LDLRAD4: variants seen among roughly 807,000 people sequenced by gnomAD.
LDLRAD4 encodes the protein low-density lipoprotein receptor class A domain-containing protein 4.
Under a neutral mutation model 17.0 loss-of-function variants are expected in LDLRAD4, and 5 were observed. The observed-to-expected ratio is 0.29, with a 90% CI of 0.15 to 0.62. The LOEUF (loss-of-function observed/expected upper bound fraction) is 0.62, where lower values mean the gene tolerates loss of function less well. Ranked by LOEUF, LDLRAD4 falls within the 20% of genes least tolerant of loss-of-function variation. LDLRAD4 has a pLI of 0.84. For synonymous variants in LDLRAD4, 168 were observed against 171.8 expected (o/e 0.98, Z 0.17); for missense variants, 340 against 424.7 (o/e 0.80, Z 1.75).
chr18:13,327,344 A>T (rs2081591605), intron 1 of LDLRAD4, among the ~76,000 whole-genome samples: 1 of 152,074 alleles, frequency 6.6e-6, no homozygotes, highest in Non-Finnish European at 1.5e-5. Context: ...CCCAAGGGAC[A>T]TGGGGCCTCG....
rs1252485840 is a variant in LDLRAD4, at chr18:13,440,497, T to C, written c.181+2113T>C. 1.3e-5 allele frequency among the ~76,000 whole-genome samples: 2 copies of C among 152,218 alleles called. No individual in the cohort carries two copies. The highest frequency in any genetic ancestry group is 2.9e-5 in the Non-Finnish European group (2 of 68,040). The stretch of plus-strand genomic sequence containing the variant: ...ACTGTTCAGATATGACTAGAACTTT[T>C]GTCTTTATAGCTAAAATGGGATATT... On this transcript the variant is annotated intron_variant, in intron 3 of 5. Transcript: ENST00000359446. The surrounding 1 kb of genome is among the most constrained non-coding windows in gnomAD (Gnocchi z 4.4).
chr18:13,602,301 G>A (rs1159729650), intron 3 of LDLRAD4, among the ~76,000 whole-genome samples: 3 of 151,948 alleles, frequency 2.0e-5, no homozygotes, highest in Admixed American at 6.6e-5. Flanking sequence ...ATGTACCCCC[G>A]AACCTGATAC....
chr18:13,549,204 G>A (rs2094405370), intron 3 of LDLRAD4, among the ~76,000 whole-genome samples: 1 of 152,202 alleles, frequency 6.6e-6, no homozygotes, highest in Non-Finnish European at 1.5e-5. Context: ...CACAGAGGGA[G>A]GCACCATGCC....
At chr18:13,527,689 A>C (rs2094055052) in intron 3 of LDLRAD4, among the ~76,000 whole-genome samples, 1 of 152,210 alleles carries the variant, frequency 6.6e-6, no homozygotes, top group Non-Finnish European at 1.5e-5. Flanking sequence ...TGGAGGGAGA[A>C]ACGAGGCAGA....
upstream of LDLRAD4, among the ~76,000 whole-genome samples, chr18:13,274,045 T>C (rs2044715408): frequency 6.6e-6 from 1 of 152,140 alleles, no homozygotes; most frequent in Non-Finnish European, 1.5e-5. Flanking sequence ...TGTGAGGAGC[T>C]CAGCCAGTGC....
intron 3 of LDLRAD4, among the ~76,000 whole-genome samples, chr18:13,603,905 G>C (rs2095193299): frequency 6.6e-6 from 1 of 152,244 alleles, no homozygotes; most frequent in African/African-American, 2.4e-5. Flanking sequence ...CATAGTAAGT[G>C]CTTAGCATTT....
intron 4 of LDLRAD4, among the ~76,000 whole-genome samples, chr18:13,634,143 C>T (rs942185945): frequency 5.3e-5 from 8 of 152,138 alleles, no homozygotes; most frequent in African/African-American, 7.2e-5. Flanking sequence ...CCTGTAAGAC[C>T]GGGAACAAGA....
intron 1 of LDLRAD4, among the ~76,000 whole-genome samples, chr18:13,378,717 C>T (rs560567212): frequency 3.1e-4 from 47 of 152,224 alleles, no homozygotes; most frequent in Non-Finnish European, 1.5e-5. Context: ...CATTTCATAC[C>T]AAAAACCTCA....
chr18:13,595,181 A>G (rs966132026), intron 3 of LDLRAD4, among the ~76,000 whole-genome samples: 3 of 151,762 alleles, frequency 2.0e-5, no homozygotes, highest in Non-Finnish European at 4.4e-5. Context: ...TCAAGAACCA[A>G]ATTATGTTGA....
intron 3 of LDLRAD4, among the ~76,000 whole-genome samples, chr18:13,456,657 A>G (rs956170947): frequency 6.6e-6 from 1 of 152,250 alleles, no homozygotes; most frequent in East Asian, 1.9e-4. Context: ...GTGCATGCAC[A>G]TATACACACA....
chr18:13,509,451 G>A (rs1188430032), intron 3 of LDLRAD4, among the ~76,000 whole-genome samples: 1 of 152,332 alleles, frequency 6.6e-6, no homozygotes, highest in Middle Eastern at 3.4e-3. Flanking sequence ...AAAATTAGAA[G>A]TGGAGCCTGA....
chr18:13,358,571 T>C (rs2083476105), intron 1 of LDLRAD4, among the ~76,000 whole-genome samples: 1 of 152,152 alleles, frequency 6.6e-6, no homozygotes, highest in Admixed American at 6.5e-5. Context: ...ATTTATCCTA[T>C]TTATCCCTCA....
At chr18:13,310,692 T>G (rs991017125) in intron 1 of LDLRAD4, among the ~76,000 whole-genome samples, 34 of 152,180 alleles carry the variant, frequency 2.2e-4, no homozygotes, top group African/African-American at 8.0e-4. Context: ...CACTCACTGT[T>G]TGCATCTGGA....
At chr18:13,322,631 T>G (rs923757397) in intron 1 of LDLRAD4, among the ~76,000 whole-genome samples, 14 of 134,740 alleles carry the variant, frequency 1.0e-4, no homozygotes, top group Non-Finnish European at 2.1e-4. Context: ...TTTTCTTATT[T>G]TTTTGAGACG....
chr18:13,243,459 C>T (rs1567925307), intron 1 of LDLRAD4, among the ~76,000 whole-genome samples: 1 of 151,408 alleles, frequency 6.6e-6, no homozygotes. Flanking sequence ...GCCACCCACT[C>T]GTTCATCTGT....
chr18:13,551,328 C>G (rs976416676), intron 3 of LDLRAD4, among the ~76,000 whole-genome samples: 6 of 152,154 alleles, frequency 3.9e-5, no homozygotes, highest in African/African-American at 1.4e-4. Flanking sequence ...ATTAAGTGCT[C>G]CTGTTGTGTG....
chr18:13,503,888 G>T (rs1559865), intron 3 of LDLRAD4, among the ~76,000 whole-genome samples: 97,401 of 151,986 alleles, frequency 0.64, 31,478 homozygotes, highest in East Asian at 0.73. Context: ...CCAGATTTTA[G>T]GTAACATGGA....
intron 1 of LDLRAD4, among the ~76,000 whole-genome samples, chr18:13,347,168 G>A (rs1599575300): frequency 6.6e-6 from 1 of 152,134 alleles, no homozygotes; most frequent in Non-Finnish European, 1.5e-5. Flanking sequence ...TCCTAGCCTC[G>A]ATGGTCTTTA....
chr18:13,373,852 C>T (rs906913393), intron 1 of LDLRAD4, among the ~76,000 whole-genome samples: 3 of 152,110 alleles, frequency 2.0e-5, no homozygotes, highest in Non-Finnish European at 2.9e-5. Context: ...TTTAAAGCTA[C>T]CTTAGTTATT....
Sources: allele counts gnomAD v4.1 joint callset (sites outside exome capture counted in the v4.1 genomes callset), GRCh38; gene constraint gnomAD v4.1.1; non-coding constraint Gnocchi (gnomAD v3.1); transcripts MANE v1.5; gene names NCBI Gene and HGNC (gene_info 2026-07-23, HGNC 2026-07-21).